The following OR51B5 variants were observed in gnomAD, a reference collection of about 807,000 sequenced individuals.
OR51B5 encodes olfactory receptor 51B5.
For synonymous variants in OR51B5, 186 were observed against 144.8 expected (o/e 1.28, Z -2.04); for missense variants, 456 against 374.6 (o/e 1.22, Z -1.79).
intron 1 of OR51B5, among the ~76,000 whole-genome samples, chr11:5,407,733 T>C (rs1237195875): frequency 6.6e-6 from 1 of 152,042 alleles, no homozygotes; most frequent in Non-Finnish European, 1.5e-5. Context: ...TGTACTTCTA[T>C]TCTCATGGGT....
rs755287458 is a variant in OR51B5 at position 5,342,999 on chromosome 11, A to C, written c.526T>G (p.Phe176Val). 8 of 1,613,826 alleles carry C rather than the reference A, an allele frequency of 5.0e-6. No homozygotes were observed. In the South Asian group the frequency reaches 7.7e-5, roughly 16 times the overall value. ...TTAATGACATCCTGGTGAAGGCAGA[A>C]TGCATGTGAAAGAACATGGGAGTGA... Residue 176 changes from phenylalanine (F) to valine (V), a missense_variant, in exon 1 of 1, where the codon TTC becomes GTC. Coordinates refer to ENST00000300773, the Ensembl canonical transcript of OR51B5.
intron 1 of OR51B5, among the ~76,000 whole-genome samples, chr11:5,365,057 A>G (rs1252027920): frequency 6.6e-6 from 1 of 152,208 alleles, no homozygotes; most frequent in African/African-American, 2.4e-5. Context: ...CAAATAAGGG[A>G]CACTCAATAA....
At chr11:5,486,944 C>G (rs998402542) in intron 1 of OR51B5, among the ~76,000 whole-genome samples, 1 of 152,070 alleles carries the variant, frequency 6.6e-6, no homozygotes, top group African/African-American at 2.4e-5. Context: ...AAGGGGACTT[C>G]CTAATTCCAC....
At chr11:5,364,710 C>A (rs778328481) in intron 1 of OR51B5, among the ~76,000 whole-genome samples, 9 of 152,128 alleles carry the variant, frequency 5.9e-5, no homozygotes, top group Non-Finnish European at 1.3e-4. Flanking sequence ...GTTTGCCCAT[C>A]CAGCATATGA....
upstream of OR51B5, among the ~76,000 whole-genome samples, chr11:5,344,594 A>G (rs1196081337): frequency 1.3e-5 from 2 of 152,104 alleles, no homozygotes; most frequent in Non-Finnish European, 2.9e-5. Flanking sequence ...CTGCCACTAG[A>G]CTAGGGGCTT....
chr11:5,411,459 C>T (rs1167986040), intron 1 of OR51B5, among the ~76,000 whole-genome samples: 1 of 129,710 alleles, frequency 7.7e-6, no homozygotes. Flanking sequence ...AGGACATACC[C>T]CTGTTGCTAA....
chr11:5,454,116 G>T (rs147318530), intron 1 of OR51B5: 2 of 1,614,036 alleles, frequency 1.2e-6, no homozygotes, highest in South Asian at 1.1e-5. Context: ...CTTTGGCATG[G>T]ACCTGTTTTT....
At chr11:5,376,831 C>G (rs867113690) in intron 1 of OR51B5, among the ~76,000 whole-genome samples, 2 of 148,776 alleles carry the variant, frequency 1.3e-5, no homozygotes, top group African/African-American at 5.0e-5. Context: ...GCTTACCAAC[C>G]AAAAAGAGTC....
chr11:5,407,887 C>T (rs1366701571), intron 1 of OR51B5, among the ~76,000 whole-genome samples: 1 of 150,276 alleles, frequency 6.7e-6, no homozygotes, highest in African/African-American at 2.5e-5. Flanking sequence ...ATTTTGTATC[C>T]ACATTTTAAT....
chr11:5,368,433 G>C (rs558644448), intron 1 of OR51B5, among the ~76,000 whole-genome samples: 3 of 150,886 alleles, frequency 2.0e-5, no homozygotes, highest in Non-Finnish European at 2.9e-5. Context: ...AATAGTGCCT[G>C]GTCCATTGTA....
chr11:5,504,867 G>A (rs1264371757), intron 1 of OR51B5, among the ~76,000 whole-genome samples: 1 of 152,172 alleles, frequency 6.6e-6, no homozygotes, highest in Non-Finnish European at 1.5e-5. Flanking sequence ...TGAGGCTGAT[G>A]AGTTTACTCT....
At chr11:5,387,515 T>C (rs1361786837) in intron 1 of OR51B5, among the ~76,000 whole-genome samples, 1 of 152,202 alleles carries the variant, frequency 6.6e-6, no homozygotes, top group African/African-American at 2.4e-5. Context: ...ACCTCTGCTC[T>C]CAACTCGAAG....
intron 1 of OR51B5, among the ~76,000 whole-genome samples, chr11:5,399,902 GAGGTGTGGC>G (rs1849941869): frequency 6.6e-6 from 1 of 152,116 alleles, no homozygotes; most frequent in South Asian, 2.1e-4. Context: ...CCGGTTATTT[GAGGTGTGGC>G]AGGCAAGATA....
At chr11:5,452,623 T>G (rs1850874388) in intron 1 of OR51B5, among the ~76,000 whole-genome samples, 1 of 146,534 alleles carries the variant, frequency 6.8e-6, no homozygotes, top group South Asian at 2.2e-4. Context: ...AGTATGTGAA[T>G]GAGCGTCTTC....
chr11:5,376,310 T>G (rs1009121446), intron 1 of OR51B5, among the ~76,000 whole-genome samples: 19 of 152,026 alleles, frequency 1.2e-4, no homozygotes, highest in South Asian at 2.1e-4. Context: ...CACATTCGAA[T>G]CAGTGTGTAG....
chr11:5,340,731 T>C (rs116889533), downstream of OR51B5: 6 of 152,198 alleles, frequency 3.9e-5, no homozygotes, highest in African/African-American at 1.4e-4. Context: ...TTAGAAGATA[T>C]AAATTTGAAT....
At chr11:5,454,101 T>A in intron 1 of OR51B5, 2 of 1,614,230 alleles carry the variant, frequency 1.2e-6, no homozygotes, top group Non-Finnish European at 1.7e-6. Context: ...TGTTCTTGTA[T>A]CCACCTTTGG....
exon 1 of OR51B5, chr11:5,342,664 A>G: frequency 1.2e-6 from 2 of 1,613,900 alleles, no homozygotes; most frequent in Non-Finnish European, 1.7e-6. Context: ...TATATGTTAT[A>G]GGATTCATTA....
chr11:5,489,718 C>T (rs1851554915), intron 1 of OR51B5: 5 of 1,159,792 alleles, frequency 4.3e-6, no homozygotes, highest in Admixed American at 1.9e-5. Context: ...TGTCTAGATA[C>T]ATTTACATGG....
Sources: gnomAD v4.1 joint callset for allele counts (sites outside exome capture counted in the v4.1 genomes callset) on GRCh38, gnomAD v4.1.1 for gene constraint, MANE v1.5 for transcripts, NCBI Gene and HGNC (gene_info 2026-07-23, HGNC 2026-07-21) for gene names.